VNN1: variants seen among roughly 807,000 people sequenced by gnomAD.
VNN1 encodes the protein vanin 1.
VNN1 carries 29 observed loss-of-function variants against 41.9 expected under a neutral mutation model. The ratio of observed to expected loss-of-function variants is 0.69; its 90% CI spans 0.52 to 0.94. VNN1 has a LOEUF of 0.94. VNN1 is among the 40% of genes least tolerant of loss of function. The pLI, the probability that VNN1 is intolerant of heterozygous loss-of-function variation, is 0.00. For missense variants in VNN1, 637 were observed against 621.1 expected (o/e 1.03, Z -0.27); for synonymous variants, 233 against 224.4 (o/e 1.04, Z -0.34).
intron 2 of VNN1, among the ~76,000 whole-genome samples, chr6:132,711,371 A>C (rs1401126973): frequency 6.6e-6 from 1 of 152,174 alleles, no homozygotes; most frequent in African/African-American, 2.4e-5. Flanking sequence ...GAAAACTATT[A>C]ATCTTAAACT....
Position 132,693,954 on chromosome 6 carries a change from C to T in VNN1, c.534+36G>A, listed in dbSNP as rs748401217. ...TCCTTGCCCACTTTATTTCATTAGG[C>T]ATTAACTAATTGGATTATTTGCAAA... is the stretch of plus-strand genomic sequence containing the variant. On this transcript the variant is annotated intron_variant, in intron 3 of 6. Coordinates refer to ENST00000367928, the MANE Select transcript of VNN1 (RefSeq NM_004666.3). The T allele has an allele frequency of 8.1e-6, 13 of 1,608,558 alleles. No homozygotes were observed. The South Asian group carries it at 1.4e-4, about 18-fold the overall frequency.
intron 2 of VNN1, among the ~76,000 whole-genome samples, chr6:132,709,246 A>T (rs1299012337): frequency 6.7e-6 from 1 of 148,592 alleles, no homozygotes; most frequent in Non-Finnish European, 1.5e-5. Context: ...TTATCTTTTT[A>T]AAACATTTAT....
intron 2 of VNN1, among the ~76,000 whole-genome samples, chr6:132,711,157 G>A (rs1018353515): frequency 2.0e-5 from 3 of 152,098 alleles, no homozygotes; most frequent in African/African-American, 4.8e-5. Context: ...TATGTGAATC[G>A]ACATGATTTT....
intron 5 of VNN1, among the ~76,000 whole-genome samples, chr6:132,691,780 T>C (rs984369184): frequency 6.6e-6 from 1 of 152,112 alleles, no homozygotes; most frequent in African/African-American, 2.4e-5. Flanking sequence ...GCGGATCACC[T>C]GAGCTCGGGG....
At chr6:132,702,085 G>T (rs1202650299) in intron 2 of VNN1, among the ~76,000 whole-genome samples, 2 of 152,198 alleles carry the variant, frequency 1.3e-5, no homozygotes, top group Non-Finnish European at 2.9e-5. Flanking sequence ...TAGGCCAGGG[G>T]TTCCCAATCC....
intron 2 of VNN1, among the ~76,000 whole-genome samples, chr6:132,709,849 A>T (rs1338767117): frequency 2.0e-5 from 3 of 152,194 alleles, no homozygotes; most frequent in African/African-American, 7.2e-5. Context: ...AAATAAGTCA[A>T]TTCAATTCAT....
At chr6:132,708,194 GCAAT>G (rs1778547430) in intron 2 of VNN1, among the ~76,000 whole-genome samples, 1 of 152,166 alleles carries the variant, frequency 6.6e-6, no homozygotes, top group African/African-American at 2.4e-5. Context: ...CTTCTATGAT[GCAAT>G]CAAAGTGTCT....
intron 1 of VNN1, among the ~76,000 whole-genome samples, chr6:132,713,172 A>T (rs561862792): frequency 5.4e-4 from 82 of 152,332 alleles, no homozygotes; most frequent in African/African-American, 1.7e-3. Context: ...GATATATGTA[A>T]TACACATTTA....
At chr6:132,712,599 T>C (rs1778619813) in intron 1 of VNN1, among the ~76,000 whole-genome samples, 1 of 152,162 alleles carries the variant, frequency 6.6e-6, no homozygotes, top group South Asian at 2.1e-4. Flanking sequence ...ACTTAAATAT[T>C]CTGTTTATTT....
At chr6:132,692,994 A>G in intron 4 of VNN1, 30 bp downstream of exon 4, 2 of 1,558,484 alleles carry the variant, frequency 1.3e-6, no homozygotes, top group Non-Finnish European at 1.7e-6. Flanking sequence ...TGATTACATC[A>G]GCCTGCATAT....
At chr6:132,713,216 G>A (rs140472744) in intron 1 of VNN1, among the ~76,000 whole-genome samples, 1 of 152,038 alleles carries the variant, frequency 6.6e-6, no homozygotes, top group African/African-American at 2.4e-5. Context: ...TGTATTCCTG[G>A]TCTACACCTA....
chr6:132,694,245 C>A, intron 2 of VNN1, 63 bp from the exon 3 acceptor site: 1 of 1,459,872 alleles, frequency 6.8e-7, no homozygotes. Context: ...CAACAAAATC[C>A]TGAATGATAG....
At chr6:132,698,433 G>A (rs1778402913) in intron 2 of VNN1, among the ~76,000 whole-genome samples, 1 of 152,242 alleles carries the variant, frequency 6.6e-6, no homozygotes, top group South Asian at 2.1e-4. Flanking sequence ...AGGCAGAGCT[G>A]TCCAAGCATA....
chr6:132,692,696 T>C lies in VNN1; in HGVS notation c.827-112A>G, dbSNP rs529240239. ...CACATTTTACTCTCTCTAAGTTATATGTTTTATTAATTTCAGTAAAACATG... is the reference window on the plus strand; with the variant it reads ...CACATTTTACTCTCTCTAAGTTATACGTTTTATTAATTTCAGTAAAACATG... On this transcript the variant is annotated intron_variant, in intron 4 of 6. Transcript: ENST00000367928. 33 of 1,347,740 alleles carry C rather than the reference T, an allele frequency of 2.4e-5. No homozygotes were observed. In the African/African-American group the frequency reaches 2.5e-4, roughly 10 times the overall value. The allele number at this position is 1,347,740 out of a possible 1,614,324, so 83.5% of individuals were successfully genotyped here. A position where few individuals can be genotyped will look rare whatever the true frequency, so the allele number is the denominator to read the frequency against.
chr6:132,689,393 CA>C, intron 5 of VNN1, among the ~76,000 whole-genome samples: 1 of 152,242 alleles, frequency 6.6e-6, no homozygotes, highest in Non-Finnish European at 1.5e-5. Flanking sequence ...AAAGTGCATT[CA>C]CTTCCCTTTG....
chr6:132,708,024 C>T (rs146558985), intron 2 of VNN1, among the ~76,000 whole-genome samples: 376 of 152,262 alleles, frequency 2.5e-3, no homozygotes, highest in Non-Finnish European at 3.7e-3. Context: ...TGCTTGTGTA[C>T]AAACATCAAA....
intron 5 of VNN1, among the ~76,000 whole-genome samples, chr6:132,690,879 T>C (rs1778272568): frequency 6.6e-6 from 1 of 152,122 alleles, no homozygotes; most frequent in African/African-American, 2.4e-5. Flanking sequence ...TGGGAGCACA[T>C]AAAGGATGTA....
chr6:132,711,472 G>A (rs3823026), intron 2 of VNN1, among the ~76,000 whole-genome samples: 60,342 of 152,074 alleles, frequency 0.4, 13,670 homozygotes, highest in African/African-American at 0.63. Flanking sequence ...TGAGGAGTCA[G>A]AGACCAGAGA....
intron 2 of VNN1, among the ~76,000 whole-genome samples, chr6:132,697,613 C>T (rs1778392145): frequency 6.6e-6 from 1 of 150,962 alleles, no homozygotes; most frequent in African/African-American, 2.4e-5. Context: ...GCTGAGAAGG[C>T]TGAGATAACT....
Sources: allele counts gnomAD v4.1 joint callset (sites outside exome capture counted in the v4.1 genomes callset), GRCh38; gene constraint gnomAD v4.1.1; transcripts MANE v1.5; gene names NCBI Gene and HGNC (gene_info 2026-07-23, HGNC 2026-07-21).